TCF7L1: variants seen among roughly 807,000 people sequenced by gnomAD.
TCF7L1 encodes transcription factor 7 like 1.
TCF7L1 carries 18 observed loss-of-function variants against 63.7 expected under a neutral mutation model. The ratio of observed to expected loss-of-function variants is 0.28; its 90% CI spans 0.20 to 0.42. The LOEUF (loss-of-function observed/expected upper bound fraction) is 0.42, where lower values mean the gene tolerates loss of function less well. Ranked by LOEUF, TCF7L1 falls within the 10% of genes least tolerant of loss-of-function variation. The pLI is 1.00. For synonymous variants in TCF7L1, 355 were observed against 340.9 expected (o/e 1.04, Z -0.46); for missense variants, 654 against 779.3 (o/e 0.84, Z 1.91).
intron 4 of TCF7L1, among the ~76,000 whole-genome samples, chr2:85,298,536 G>A (rs1010831956): frequency 6.7e-6 from 1 of 149,744 alleles, no homozygotes; most frequent in African/African-American, 2.5e-5. Flanking sequence ...TTCCTAGGGA[G>A]ACCAGAGTTT....
chr2:85,163,045 G>A (rs767562153), intron 3 of TCF7L1, among the ~76,000 whole-genome samples: 8 of 152,056 alleles, frequency 5.3e-5, no homozygotes, highest in South Asian at 4.2e-4. Context: ...CACTCTCGCC[G>A]GATTCTGAGA....
chr2:85,302,243 G>A (rs1240981333), intron 4 of TCF7L1, among the ~76,000 whole-genome samples: 1 of 152,174 alleles, frequency 6.6e-6, no homozygotes, highest in African/African-American at 2.4e-5. Context: ...TCATTCCCCA[G>A]AAGCCTGTAC....
At chr2:85,282,697 A>C (rs1310869219) in intron 3 of TCF7L1, among the ~76,000 whole-genome samples, 1 of 152,066 alleles carries the variant, frequency 6.6e-6, no homozygotes, top group Non-Finnish European at 1.5e-5. Context: ...TCCGGAGCCC[A>C]GAAGGGCCCT....
At chr2:85,186,006 G>A (rs899576315) in intron 3 of TCF7L1, among the ~76,000 whole-genome samples, 2 of 130,146 alleles carry the variant, frequency 1.5e-5, no homozygotes, top group South Asian at 4.8e-4. Flanking sequence ...TCGCTCTGTC[G>A]CCTAGGCTGG....
chr2:85,243,636 C>T (rs920422457), intron 3 of TCF7L1, among the ~76,000 whole-genome samples: 2 of 152,110 alleles, frequency 1.3e-5, no homozygotes, highest in African/African-American at 4.8e-5. Context: ...TGGGGATGGG[C>T]TGAGGAGAGA....
intron 3 of TCF7L1, among the ~76,000 whole-genome samples, chr2:85,231,853 C>CT (rs2104313420): frequency 6.6e-6 from 1 of 151,628 alleles, no homozygotes; most frequent in South Asian, 2.1e-4. Flanking sequence ...GGTGCAGACC[C>CT]TTTGGTCAGG....
intron 3 of TCF7L1, among the ~76,000 whole-genome samples, chr2:85,158,926 C>T (rs1362344976): frequency 6.6e-6 from 1 of 152,220 alleles, no homozygotes; most frequent in Non-Finnish European, 1.5e-5. Context: ...AGGTAGATCT[C>T]TGTTACTGAA....
intron 4 of TCF7L1, among the ~76,000 whole-genome samples, chr2:85,286,086 G>A (rs1414873392): frequency 6.6e-6 from 1 of 151,718 alleles, no homozygotes; most frequent in Admixed American, 6.6e-5. Context: ...AACTACTCAG[G>A]AGGCTGAGGC....
At chr2:85,283,231 C>T (rs1681461352) in intron 3 of TCF7L1, among the ~76,000 whole-genome samples, 1 of 150,552 alleles carries the variant, frequency 6.6e-6, no homozygotes, top group Non-Finnish European at 1.5e-5. Flanking sequence ...CGGTTCTCTC[C>T]ACCACTTAAA....
intron 3 of TCF7L1, among the ~76,000 whole-genome samples, chr2:85,272,974 AAGAC>A (rs1681185554): frequency 6.6e-6 from 1 of 152,206 alleles, no homozygotes; most frequent in Non-Finnish European, 1.5e-5. Context: ...TGGCCTTGCA[AAGAC>A]AGGAGAGTGT....
At chr2:85,302,679 C>T in intron 5 of TCF7L1, 63 bp downstream of exon 5, 1 of 1,560,602 alleles carries the variant, frequency 6.4e-7, no homozygotes, top group Non-Finnish European at 8.7e-7. Flanking sequence ...TTTGTGGGAA[C>T]ATAACAGCCC....
intron 3 of TCF7L1, among the ~76,000 whole-genome samples, chr2:85,274,677 G>A (rs899380913): frequency 6.6e-5 from 10 of 152,314 alleles, no homozygotes; most frequent in South Asian, 2.1e-4. Context: ...TGAAATCAGC[G>A]GGAGTGTTTA....
chr2:85,202,842 C>A (rs1460582795), intron 3 of TCF7L1, among the ~76,000 whole-genome samples: 1 of 151,184 alleles, frequency 6.6e-6, no homozygotes, highest in Non-Finnish European at 1.5e-5. Flanking sequence ...AACTCTTTTT[C>A]TTTTTTTTTG....
At chr2:85,249,160 A>G (rs186994876) in intron 3 of TCF7L1, among the ~76,000 whole-genome samples, 2 of 152,326 alleles carry the variant, frequency 1.3e-5, no homozygotes, top group Non-Finnish European at 2.9e-5. Flanking sequence ...GCTTTTCACT[A>G]GTTGCAGTTT....
chr2:85,242,029 G>A (rs868608480), intron 3 of TCF7L1, among the ~76,000 whole-genome samples: 6 of 136,202 alleles, frequency 4.4e-5, no homozygotes, highest in Middle Eastern at 3.7e-3. Context: ...GGTGCGGGGG[G>A]GCAAGAATAG....
At chr2:85,146,348 C>T (rs1677878967) in intron 3 of TCF7L1, among the ~76,000 whole-genome samples, 1 of 152,122 alleles carries the variant, frequency 6.6e-6, no homozygotes, top group African/African-American at 2.4e-5. Context: ...AATTTCCCTC[C>T]ACTGAAAATT....
chr2:85,275,102 C>T (rs538560683), intron 3 of TCF7L1, among the ~76,000 whole-genome samples: 93 of 152,346 alleles, frequency 6.1e-4, no homozygotes, highest in Non-Finnish European at 1.1e-3. Context: ...TCAACACGGT[C>T]GGCACTCCCA....
rs574197220 is a variant in TCF7L1 at position 85,243,502 on chromosome 2, G to A, written c.442-39993G>A. ...GAACATGCCCAGCGACTCCACGTGGGGAAGTTGCATTTCCACACCATTCAC... is the reference window on the plus strand; with the variant it reads ...GAACATGCCCAGCGACTCCACGTGGAGAAGTTGCATTTCCACACCATTCAC... On this transcript the variant is annotated intron_variant, in intron 3 of 11. Transcript: ENST00000282111. 3.9e-5 allele frequency among the ~76,000 whole-genome samples: 6 copies of A among 152,034 alleles called. No individual in the cohort carries two copies. In the South Asian group the frequency reaches 1.2e-3, roughly 32 times the overall value.
At chr2:85,246,179 A>G (rs1360590490) in intron 3 of TCF7L1, among the ~76,000 whole-genome samples, 1 of 152,272 alleles carries the variant, frequency 6.6e-6, no homozygotes, top group African/African-American at 2.4e-5. Context: ...GAGGATGGAC[A>G]TCTCAACACA....
Sources: gnomAD v4.1 joint callset for allele counts (sites outside exome capture counted in the v4.1 genomes callset) on GRCh38, gnomAD v4.1.1 for gene constraint, MANE v1.5 for transcripts, NCBI Gene and HGNC (gene_info 2026-07-23, HGNC 2026-07-21) for gene names.